The following KLRG1 variants were observed in gnomAD, a reference collection of about 807,000 sequenced individuals.
KLRG1 encodes the protein killer cell lectin like receptor G1.
In KLRG1, 16 loss-of-function variants were observed where a neutral mutation model predicts 21.8. The observed-to-expected ratio is 0.73, with a 90% CI of 0.50 to 1.11. The LOEUF (loss-of-function observed/expected upper bound fraction) is 1.11, where lower values mean the gene tolerates loss of function less well. Among genes scored for constraint, KLRG1 ranks in the 50% most tolerant of loss-of-function variants. KLRG1 has a pLI of 0.00. For synonymous variants in KLRG1, 69 were observed against 75.9 expected (o/e 0.91, Z 0.47); for missense variants, 173 against 218.3 (o/e 0.79, Z 1.31).
chr12:9,134,051 T>C, the KLRG1 span, among the ~76,000 whole-genome samples: 1 of 152,200 alleles, frequency 6.6e-6, no homozygotes. Flanking sequence ...TTGGGTTTAA[T>C]GCTGCTGGCA....
intron 1 of KLRG1, among the ~76,000 whole-genome samples, chr12:8,978,640 T>TTTTCTTTCTTTCTTTCTTTCTTTCTTTC: frequency 9.3e-6 from 1 of 107,904 alleles, no homozygotes; most frequent in African/African-American, 3.0e-5. Context: ...TTTTTCTTTC[T>TTTTCTTTCTTTCTTTCTTTCTTTCTTTC]TTTCTTTCTT....
At chr12:9,186,658 A>C in the KLRG1 span, among the ~76,000 whole-genome samples, 1 of 152,140 alleles carries the variant, frequency 6.6e-6, no homozygotes, top group Non-Finnish European at 1.5e-5. Flanking sequence ...ACACCATGGA[A>C]TACTATGCAG....
chr12:9,101,708 TTATACGTCATAA>T, the KLRG1 span: 1 of 1,469,506 alleles, frequency 6.8e-7, no homozygotes, highest in Non-Finnish European at 9.3e-7. Context: ...TATTTTTAGA[TTATACGTCATAA>T]AGATTAATGT....
the KLRG1 span, among the ~76,000 whole-genome samples, chr12:9,059,090 A>G: frequency 6.6e-6 from 1 of 152,244 alleles, no homozygotes; most frequent in Non-Finnish European, 1.5e-5. Context: ...TTGAATATTC[A>G]TATGATTAAG....
the KLRG1 span, among the ~76,000 whole-genome samples, chr12:9,026,066 G>T: frequency 1.3e-5 from 2 of 152,178 alleles, no homozygotes; most frequent in Non-Finnish European, 2.9e-5. Flanking sequence ...CTATTGCACG[G>T]TTTTTGGCAG....
At chr12:9,201,540 AATT>A in the KLRG1 span, among the ~76,000 whole-genome samples, 1 of 152,168 alleles carries the variant, frequency 6.6e-6, no homozygotes. Flanking sequence ...TATATTCAAT[AATT>A]ATTATTATGT....
At chr12:9,046,260 G>C in the KLRG1 span, among the ~76,000 whole-genome samples, 264 of 152,128 alleles carry the variant, frequency 1.7e-3, no homozygotes, top group Non-Finnish European at 3.3e-3. Context: ...AAGAACTATG[G>C]GACAATTATG....
chr12:9,179,281 AT>A, the KLRG1 span, among the ~76,000 whole-genome samples: 1 of 152,222 alleles, frequency 6.6e-6, no homozygotes, highest in African/African-American at 2.4e-5. Context: ...TTCACCTTTT[AT>A]TTTGCTGATC....
the KLRG1 span, chr12:9,208,291 C>T: frequency 6.2e-7 from 1 of 1,613,680 alleles, no homozygotes; most frequent in East Asian, 2.2e-5. Flanking sequence ...TGGCAGAAAG[C>T]AGGATAAGAA....
At chr12:9,050,749 C>T in the KLRG1 span, among the ~76,000 whole-genome samples, 1 of 152,178 alleles carries the variant, frequency 6.6e-6, no homozygotes, top group East Asian at 1.9e-4. Context: ...GGGAACCTCC[C>T]CCCTTTCAAG....
At chr12:9,112,176 G>A in the KLRG1 span, 1 of 1,613,790 alleles carries the variant, frequency 6.2e-7, no homozygotes, top group Middle Eastern at 1.6e-4. Context: ...TTCAGGGGGT[G>A]AAAGTTTTCA....
At position 9,009,479 on chromosome 12, in the gene KLRG1, T is replaced by G; in HGVS notation, c.512T>G (p.Leu171Arg). 1 of 1,614,004 alleles carries G rather than the reference T, an allele frequency of 6.2e-7. No individual in the cohort carries two copies. Among genetic ancestry groups the G allele is most frequent in the Non-Finnish European group, 8.5e-7 (1 of 1,179,926 alleles). Reference protein sequence around the residue: ...QTCGAINKNGLQASSCEVPLH... With the variant: ...QTCGAINKNGRQASSCEVPLH... ...TGCGGTGCCATCAACAAAAATGGTC[T>G]TCAAGCCTCAAGCTGTGAAGTTCCT... is the stretch of plus-strand genomic sequence containing the variant. The change falls in exon 5 of 5, where the codon CTT becomes CGT. Residue 171 changes from leucine (L) to arginine (R), a missense_variant. By Grantham distance (102) the Leu-to-Arg change is moderately radical. This residue lies in a region of KLRG1 where 26 missense variants were observed against 36.9 expected (regional missense o/e 0.70). Coordinates refer to ENST00000356986, the MANE Select transcript of KLRG1 (RefSeq NM_005810.4).
intron 1 of KLRG1, among the ~76,000 whole-genome samples, chr12:8,964,207 A>G (rs1475239541): frequency 6.6e-6 from 1 of 152,264 alleles, no homozygotes; most frequent in East Asian, 1.9e-4. Flanking sequence ...ACTGCTTTGA[A>G]TGTGTCCCAG....
the KLRG1 span, among the ~76,000 whole-genome samples, chr12:9,166,379 A>C: frequency 6.6e-6 from 1 of 152,270 alleles, no homozygotes; most frequent in African/African-American, 2.4e-5. Flanking sequence ...AAAAGAGAGG[A>C]GTCTTTGTCA....
chr12:8,973,163 GAAAAA>G (rs59760555), intron 1 of KLRG1, among the ~76,000 whole-genome samples: 1 of 97,034 alleles, frequency 1.0e-5, no homozygotes, highest in African/African-American at 4.4e-5. Context: ...CATCTCAAAA[GAAAAA>G]AAAAAAAAAA....
At chr12:9,027,900 T>C in the KLRG1 span, 820,607 of 883,046 alleles carry the variant, frequency 0.93, 381,665 homozygotes, top group East Asian at 1. Context: ...TCCAGAACCA[T>C]TTCGACCTCT....
chr12:9,068,599 G>A, the KLRG1 span: 1 of 710,646 alleles, frequency 1.4e-6, no homozygotes, highest in Non-Finnish European at 2.4e-6. Flanking sequence ...GAGACAAAAA[G>A]AGGGGCATCA....
the KLRG1 span, chr12:9,067,308 A>G: frequency 1.2e-5 from 2 of 164,970 alleles, no homozygotes; most frequent in African/African-American, 4.8e-5. Flanking sequence ...ATTTTGGTGT[A>G]ACATAGGACA....
At chr12:9,180,286 T>C in the KLRG1 span, among the ~76,000 whole-genome samples, 2 of 152,062 alleles carry the variant, frequency 1.3e-5, no homozygotes, top group Non-Finnish European at 2.9e-5. Context: ...CTTCACAGAA[T>C]TGGAAAAAAC....
Sources: allele counts gnomAD v4.1 joint callset (sites outside exome capture counted in the v4.1 genomes callset), GRCh38; gene constraint gnomAD v4.1.1; regional missense constraint gnomAD v4.1.1; transcripts MANE v1.5; gene names NCBI Gene and HGNC (gene_info 2026-07-23, HGNC 2026-07-21).